Variants in MARCHF1 observed in about 807,000 individuals in gnomAD.
The protein encoded by MARCHF1 is E3 ubiquitin-protein ligase MARCHF1.
MARCHF1 carries 40 observed loss-of-function variants against 54.2 expected under a neutral mutation model. That is an observed-to-expected ratio of 0.74 (90% confidence interval 0.57 to 0.96). MARCHF1 has a LOEUF of 0.96. MARCHF1 is among the 40% of genes least tolerant of loss of function. The probability of loss-of-function intolerance (pLI) is 0.00; values close to 1 mark genes in which losing one functional copy is unlikely to be tolerated. For missense variants in MARCHF1, 586 were observed against 656.5 expected (o/e 0.89, Z 1.17); for synonymous variants, 236 against 236.3 (o/e 1.00, Z 0.01).
rs76852210 is a variant in MARCHF1 at position 164,112,671 on chromosome 4, G to A, written c.-322-1009C>T. ...ATAAGTTGACATATAAAAGTCAACC[G>A]CTGACACTGGGAACACATTGTAACC... On this transcript the variant is annotated intron_variant, in intron 1 of 9. Coordinates refer to ENST00000514618, the MANE Select transcript of MARCHF1 (RefSeq NM_001394959.1). Among the ~76,000 whole-genome samples, 1,285 of 151,906 alleles carry A rather than the reference G, an allele frequency of 8.5e-3. 17 individuals are homozygous for A. Among genetic ancestry groups the A allele is most frequent in the East Asian group, 0.049 (253 of 5,164 alleles).
intron 1 of MARCHF1, among the ~76,000 whole-genome samples, chr4:164,290,141 T>C (rs1470278578): frequency 6.6e-6 from 1 of 151,954 alleles, no homozygotes; most frequent in Admixed American, 6.6e-5. Flanking sequence ...TTCATATCTA[T>C]TTTACCACTA....
intron 3 of MARCHF1, among the ~76,000 whole-genome samples, chr4:163,962,684 T>C (rs1477904909): frequency 6.6e-6 from 1 of 151,952 alleles, no homozygotes; most frequent in Non-Finnish European, 1.5e-5. Context: ...TTTAAAACTT[T>C]AGATACCGTA....
chr4:164,375,001 T>C (rs997567962), intron 1 of MARCHF1, among the ~76,000 whole-genome samples: 8 of 152,152 alleles, frequency 5.3e-5, no homozygotes, highest in African/African-American at 1.9e-4. Context: ...ACAAAATTGC[T>C]AAGAAATGTT....
chr4:164,021,950 G>C (rs1391711626), intron 2 of MARCHF1, among the ~76,000 whole-genome samples: 1 of 151,706 alleles, frequency 6.6e-6, no homozygotes, highest in African/African-American at 2.4e-5. Flanking sequence ...TATTGTCTAT[G>C]GAAATCCAAA....
chr4:164,047,030 A>C (rs1560878165), intron 2 of MARCHF1, among the ~76,000 whole-genome samples: 1 of 152,206 alleles, frequency 6.6e-6, no homozygotes, highest in Non-Finnish European at 1.5e-5. Context: ...TCCTCAAGAA[A>C]ATGTAAACTT....
At chr4:163,912,976 T>TA (rs1263274527) in intron 3 of MARCHF1, among the ~76,000 whole-genome samples, 1 of 152,222 alleles carries the variant, frequency 6.6e-6, no homozygotes, top group Non-Finnish European at 1.5e-5. Context: ...TCTTCCTAGA[T>TA]AAATGACACA....
intron 1 of MARCHF1, among the ~76,000 whole-genome samples, chr4:164,272,810 G>A (rs537072344): frequency 1.1e-4 from 17 of 151,132 alleles, no homozygotes; most frequent in African/African-American, 2.9e-4. Context: ...TAAATATTAT[G>A]CAATAAAAAT....
At chr4:163,928,618 G>C (rs536646883) in intron 3 of MARCHF1, among the ~76,000 whole-genome samples, 1 of 151,838 alleles carries the variant, frequency 6.6e-6, no homozygotes, top group African/African-American at 2.4e-5. Flanking sequence ...GAAAAGTCTG[G>C]ATAGAAATGG....
chr4:163,820,743 C>A (rs532730517), intron 4 of MARCHF1, among the ~76,000 whole-genome samples: 13 of 152,118 alleles, frequency 8.5e-5, no homozygotes, highest in African/African-American at 3.1e-4. Flanking sequence ...ATCACTAAAT[C>A]TTATAAAGTT....
intron 4 of MARCHF1, among the ~76,000 whole-genome samples, chr4:163,742,972 G>A (rs1172603465): frequency 2.0e-5 from 3 of 152,130 alleles, no homozygotes; most frequent in Admixed American, 2.0e-4. Flanking sequence ...TTCTTTGAAT[G>A]GTTGAAACTA....
chr4:164,287,690 G>A (rs552206392), intron 1 of MARCHF1, among the ~76,000 whole-genome samples: 8 of 152,150 alleles, frequency 5.3e-5, no homozygotes, highest in Non-Finnish European at 1.0e-4. Context: ...GCAGTGCTGG[G>A]ATGACATGAA....
At chr4:164,263,739 C>CA (rs1733531643) in intron 1 of MARCHF1, among the ~76,000 whole-genome samples, 1 of 152,070 alleles carries the variant, frequency 6.6e-6, no homozygotes, top group Admixed American at 6.5e-5. Flanking sequence ...CAAACACACA[C>CA]AAAAAAGTTC....
intron 8 of MARCHF1, among the ~76,000 whole-genome samples, chr4:163,576,198 ACAC>A (rs1346409382): frequency 4.1e-5 from 5 of 122,170 alleles, no homozygotes; most frequent in Admixed American, 8.8e-5. Flanking sequence ...TTTCCTTTTA[ACAC>A]TGCCTTTGCT....
At chr4:163,788,332 G>T (rs973357707) in intron 4 of MARCHF1, among the ~76,000 whole-genome samples, 1 of 151,768 alleles carries the variant, frequency 6.6e-6, no homozygotes, top group African/African-American at 2.4e-5. Context: ...GCATTTTACC[G>T]ATGAATAATT....
intron 1 of MARCHF1, among the ~76,000 whole-genome samples, chr4:164,216,780 C>T (rs990587877): frequency 2.0e-5 from 3 of 152,144 alleles, no homozygotes; most frequent in African/African-American, 7.2e-5. Context: ...GAGCAGGGCT[C>T]TACTGGAGTC....
intron 9 of MARCHF1, among the ~76,000 whole-genome samples, chr4:163,543,383 C>G (rs1579046313): frequency 1.3e-5 from 2 of 151,396 alleles, no homozygotes; most frequent in South Asian, 4.2e-4. Context: ...GGAAGGAGAT[C>G]AGAGTGAAAG....
chr4:163,959,531 C>T (rs1290800206), intron 3 of MARCHF1, among the ~76,000 whole-genome samples: 1 of 151,920 alleles, frequency 6.6e-6, no homozygotes, highest in Non-Finnish European at 1.5e-5. Flanking sequence ...ACCATCTGAT[C>T]TTTGACAAAG....
At chr4:163,542,784 T>A (rs2110906805) in intron 9 of MARCHF1, among the ~76,000 whole-genome samples, 1 of 152,326 alleles carries the variant, frequency 6.6e-6, no homozygotes, top group South Asian at 2.1e-4. Context: ...GTGATACTGA[T>A]GTTGTTGGTC....
intron 2 of MARCHF1, among the ~76,000 whole-genome samples, chr4:164,076,417 A>G (rs1754982903): frequency 6.6e-6 from 1 of 152,208 alleles, no homozygotes; most frequent in East Asian, 1.9e-4. Context: ...ATTTATGACA[A>G]AGCCACAGCC....
Sources: gnomAD v4.1 joint callset for allele counts (sites outside exome capture counted in the v4.1 genomes callset) on GRCh38, gnomAD v4.1.1 for gene constraint, MANE v1.5 for transcripts, NCBI Gene and HGNC (gene_info 2026-07-23, HGNC 2026-07-21) for gene names.